The following PIGG variants were observed in gnomAD, a reference collection of about 807,000 sequenced individuals.
PIGG encodes GPI ethanolamine phosphate transferase 2, catalytic subunit.
Under a neutral mutation model 83.2 loss-of-function variants are expected in PIGG, and 70 were observed. The ratio of observed to expected loss-of-function variants is 0.84; its 90% confidence interval spans 0.69 to 1.03. The LOEUF (loss-of-function observed/expected upper bound fraction) is 1.03, where lower values mean the gene tolerates loss of function less well. Among genes scored for constraint, PIGG ranks in the 50% least tolerant of loss-of-function variants. PIGG has a pLI of 0.00. For missense variants in PIGG, 1,257 were observed against 1,233.6 expected (o/e 1.02, Z -0.28); for synonymous variants, 532 against 519.5 (o/e 1.02, Z -0.33).
Position 527,150 on chromosome 4 carries a change from GCTGCTGGGCGTCTA to G in PIGG, c.2187_2200del (p.Gly730ProfsTer24), listed in dbSNP as rs1474608434. ...TGTCCAAGGCTGCCCTGGCGCTGGG[GCTGCTGGGCGTCTA>G]CTGCTACCGGGCGGCCATCGGGAGT... On this transcript the variant is annotated frameshift_variant, in exon 10 of 13. Transcript: ENST00000453061. LOFTEE classifies it high-confidence loss of function. 2 of 1,613,960 alleles carry G rather than the reference GCTGCTGGGCGTCTA, an allele frequency of 1.2e-6. No individual in the cohort carries two copies. Among genetic ancestry groups the G allele is most frequent in the Non-Finnish European group, 1.7e-6 (2 of 1,180,008 alleles).
intron 5 of PIGG, among the ~76,000 whole-genome samples, chr4:512,039 G>A (rs1553883749): frequency 1.3e-5 from 2 of 152,036 alleles, no homozygotes; most frequent in Non-Finnish European, 2.9e-5. Flanking sequence ...ACTCAACTTG[G>A]AGTTCATTGA....
intron 11 of PIGG, chr4:531,354 GGAGA>G (rs1560369804): frequency 1.4e-5 from 2 of 146,556 alleles, no homozygotes; most frequent in Non-Finnish European, 3.2e-5. Context: ...GGCAACCTCA[GGAGA>G]GCAGGCACAG....
At chr4:520,893 C>T (rs1038418416) in intron 6 of PIGG, among the ~76,000 whole-genome samples, 163 bp from the exon 7 acceptor site, 1 of 152,238 alleles carries the variant, frequency 6.6e-6, no homozygotes, top group Non-Finnish European at 1.5e-5. Context: ...GAAGGCGTTG[C>T]AGACCCCCCA....
Position 516,195 on chromosome 4 carries a change from C to T in PIGG, c.1114+10C>T. ...CCGTCATATGAAAAAGGTCAGTCAACTCACCGTTTCGAGCTCTGTCAGAGC... is the reference window on the plus strand; with the variant it reads ...CCGTCATATGAAAAAGGTCAGTCAATTCACCGTTTCGAGCTCTGTCAGAGC... On this transcript the variant is annotated intron_variant, in intron 6 of 12. Transcript: ENST00000453061. The T allele has an allele frequency of 6.3e-7, 1 of 1,591,038 alleles. No individual in the cohort carries two copies. The highest frequency in any genetic ancestry group is 8.6e-7 in the Non-Finnish European group (1 of 1,158,974).
At position 506,820 on chromosome 4, in the gene PIGG, T is replaced by G. The variant is rs2289595; in HGVS notation, c.571-585T>G. 9.1e-3 allele frequency: 4,163 copies of G among 456,154 alleles called. 122 individuals are homozygous for G. In the East Asian group the frequency reaches 0.11, roughly 12 times the overall value. The allele number at this position is 456,154 out of a possible 1,614,324, so 28.3% of individuals were successfully genotyped here. A position where few individuals can be genotyped will look rare whatever the true frequency, so the allele number is the denominator to read the frequency against. ...CAGAACAGCCTTCTTGTAGGACACA[T>G]GTAGATGCCCTCAGCTTCATCATCC... On this transcript the variant is annotated intron_variant, in intron 3 of 12. Transcript: ENST00000453061.
At chr4:519,579 G>A (rs1411654640) in intron 6 of PIGG, among the ~76,000 whole-genome samples, 1 of 152,254 alleles carries the variant, frequency 6.6e-6, no homozygotes, top group Admixed American at 6.5e-5. Context: ...CTGGATAACA[G>A]TTCTGATGCT....
At chr4:511,793 A>G (rs1343139857) in intron 5 of PIGG, among the ~76,000 whole-genome samples, 1 of 152,246 alleles carries the variant, frequency 6.6e-6, no homozygotes, top group East Asian at 1.9e-4. Flanking sequence ...ATTTGCTAGC[A>G]AAGAATTTTT....
At position 527,020 on chromosome 4, in the gene PIGG, AT is replaced by A. The variant is rs1394351261; in HGVS notation, c.2070-15del. The A allele has an allele frequency of 3.1e-6, 5 of 1,613,824 alleles. No homozygotes were observed. Among genetic ancestry groups the A allele is most frequent in the Middle Eastern group, 1.6e-4 (1 of 6,084 alleles). On this transcript the variant is annotated intron_variant, in intron 9 of 12. Coordinates refer to ENST00000453061, the MANE Select transcript of PIGG (RefSeq NM_001127178.3). ...CGCTGTTTGTTTACGTAATGCTGGCATTTTCCATCTCATTTCAGCTCTGACC... is the reference window on the plus strand; with the variant it reads ...CGCTGTTTGTTTACGTAATGCTGGCATTTCCATCTCATTTCAGCTCTGACC...
intron 5 of PIGG, among the ~76,000 whole-genome samples, chr4:513,756 C>T (rs577835246): frequency 1.1e-4 from 16 of 152,242 alleles, no homozygotes; most frequent in African/African-American, 2.9e-4. Flanking sequence ...GGCCCCTTAT[C>T]GTCAGTGGGG....
In PIGG at chr4:499,457, G is replaced by A; in HGVS notation, c.122G>A (p.Gly41Glu). 6.2e-7 allele frequency: 1 copy of A among 1,602,798 alleles called. No homozygotes were observed. Among genetic ancestry groups the A allele is most frequent in the Middle Eastern group, 1.7e-4 (1 of 5,828 alleles). Residue 41 changes from glycine (G) to glutamate (E), a missense_variant, in exon 1 of 13, where the codon GGA (glycine) becomes GAA (glutamate). Physicochemically the swap from Gly to Glu is moderately conservative, Grantham distance 98. Transcript: ENST00000453061. ...CGTTCCTCTGCCAGAGCGGAACACG[G>A]AGCGGAGCCCCCAGCGCCCGAACCC... ...PVRSSARAEHGAEPPAPEPSA... is the reference protein window; with the variant it reads ...PVRSSARAEHEAEPPAPEPSA...
chr4:512,993 T>C (rs968373290), intron 5 of PIGG, among the ~76,000 whole-genome samples: 5 of 152,154 alleles, frequency 3.3e-5, no homozygotes, highest in Admixed American at 3.3e-4. Context: ...AAGGGAGCTC[T>C]GTGTTCTGGG....
rs1471613469 is a variant in PIGG, at chr4:527,143, C to A, written c.2174C>A (p.Ala725Glu). ...GCSPVSKAAL[A>E]LGLLGVYCYR... ...TCCCCTGTGTCCAAGGCTGCCCTGG[C>A]GCTGGGGCTGCTGGGCGTCTACTGC... The change falls in exon 10 of 13, where the codon GCG (alanine) becomes GAG (glutamate). Residue 725 changes from alanine (A) to glutamate (E), a missense_variant. Physicochemically the swap from Ala to Glu is moderately radical, Grantham distance 107. Transcript: ENST00000453061. 1 of 1,613,952 alleles carries A rather than the reference C, an allele frequency of 6.2e-7. No individual in the cohort carries two copies. The highest frequency in any genetic ancestry group is 1.7e-5 in the Admixed American group (1 of 59,988).
In PIGG at chr4:515,848, T is replaced by G; in HGVS notation, c.902-125T>G. ...ACAGGAGGTGATTCCTGTACGATTCTGTGTTGAGTGGTGTGAAGAGACGGA... is the reference window on the plus strand; with the variant it reads ...ACAGGAGGTGATTCCTGTACGATTCGGTGTTGAGTGGTGTGAAGAGACGGA... On this transcript the variant is annotated intron_variant, in intron 5 of 12. Coordinates refer to ENST00000453061, the MANE Select transcript of PIGG (RefSeq NM_001127178.3). The surrounding 1 kb of genome is among the most constrained non-coding windows in gnomAD (Gnocchi z 4.2). The G allele has an allele frequency of 1.3e-6, 1 of 742,144 alleles. No individual in the cohort carries two copies. Among genetic ancestry groups the G allele is most frequent in the Non-Finnish European group, 2.4e-6 (1 of 423,686 alleles). 46.0% of individuals were successfully genotyped at this position (742,144 alleles called of 1,614,324 possible).
intron 9 of PIGG, among the ~76,000 whole-genome samples, chr4:526,300 TCCC>T (rs1727588001): frequency 6.6e-6 from 1 of 152,124 alleles, no homozygotes; most frequent in Non-Finnish European, 1.5e-5. Context: ...GGCCCCAGTC[TCCC>T]CGTCATCCTG....
intron 6 of PIGG, among the ~76,000 whole-genome samples, chr4:518,890 C>T (rs553311878): frequency 3.3e-5 from 5 of 152,148 alleles, no homozygotes; most frequent in Admixed American, 6.6e-5. Context: ...TGCAGTCCCT[C>T]GGTGGCGTCC....
intron 12 of PIGG, among the ~76,000 whole-genome samples, chr4:534,182 G>A (rs577678934): frequency 1.6e-4 from 24 of 152,206 alleles, no homozygotes; most frequent in Admixed American, 1.2e-3. Flanking sequence ...GGCCAGGGTC[G>A]GGTCTGACGG....
intron 12 of PIGG, among the ~76,000 whole-genome samples, chr4:534,735 T>C (rs567733974): frequency 2.0e-5 from 3 of 150,522 alleles, no homozygotes; most frequent in Non-Finnish European, 3.0e-5. Flanking sequence ...AAGGGTGCAG[T>C]GCAGCCCCTC....
At chr4:523,379 T>C (rs1285538048) in intron 8 of PIGG, 80 bp from the exon 9 acceptor site, 1 of 1,028,860 alleles carries the variant, frequency 9.7e-7, no homozygotes, top group Admixed American at 1.9e-5. Flanking sequence ...CATTCTCTGC[T>C]GTGAGCAAGG....
At chr4:526,202 G>A (rs1173104956) in intron 9 of PIGG, among the ~76,000 whole-genome samples, 2 of 152,228 alleles carry the variant, frequency 1.3e-5, no homozygotes, top group Non-Finnish European at 2.9e-5. Flanking sequence ...CAATCCTGAA[G>A]ATTGTGTAAA....
Sources: allele counts gnomAD v4.1 joint callset (sites outside exome capture counted in the v4.1 genomes callset), GRCh38; gene constraint gnomAD v4.1.1; non-coding constraint Gnocchi (gnomAD v3.1); transcripts MANE v1.5; gene names NCBI Gene and HGNC (gene_info 2026-07-23, HGNC 2026-07-21).